Variants in CUX1 observed in about 807,000 individuals in gnomAD.
CUX1 encodes the protein cut like homeobox 1.
In CUX1, 31 loss-of-function variants were observed where a neutral mutation model predicts 158.8. The observed-to-expected ratio is 0.20, with a 90% CI of 0.15 to 0.26. CUX1 has a LOEUF of 0.26. Ranked by LOEUF, CUX1 falls within the 10% of genes least tolerant of loss-of-function variation. The pLI, the probability that CUX1 is intolerant of heterozygous loss-of-function variation, is 1.00. For synonymous variants in CUX1, 879 were observed against 862.1 expected, an observed-to-expected ratio of 1.02 and a Z score of -0.34; for missense variants, 1,589 against 2,014.6, an observed-to-expected ratio of 0.79 and a Z score of 4.04.
At chr7:101,943,078 C>CTTTTTTT (rs58332486) in intron 2 of CUX1, among the ~76,000 whole-genome samples, 1 of 80,328 alleles carries the variant, frequency 1.2e-5, no homozygotes. Flanking sequence ...CTGGTCAGTG[C>CTTTTTTT]TTTTTTTTTT....
chr7:102,256,621 A>G lies in CUX1; in HGVS notation c.*7579A>G, dbSNP rs1789920424. The stretch of plus-strand genomic sequence containing the variant: ...AAATGAGAGTGTTTATGAACAAAAA[A>G]ATTTACCAACGTGTGAGGGAGTTGC... On this transcript the variant is annotated 3_prime_UTR_variant, in exon 24 of 24. Coordinates refer to ENST00000292535, the MANE Select transcript of CUX1 (RefSeq NM_181552.4). 1 of 985,390 alleles carries G rather than the reference A, an allele frequency of 1.0e-6. No individual in the cohort carries two copies. The highest frequency in any genetic ancestry group is 1.7e-5 in the African/African-American group (1 of 57,334). The allele number at this position is 985,390 out of a possible 1,614,324, so 61.0% of individuals were successfully genotyped here. A position where few individuals can be genotyped will look rare whatever the true frequency, so the allele number is the denominator to read the frequency against.
At chr7:101,985,247 G>C (rs551852906) in intron 2 of CUX1, among the ~76,000 whole-genome samples, 3 of 152,260 alleles carry the variant, frequency 2.0e-5, no homozygotes, top group East Asian at 3.9e-4. Flanking sequence ...TTCACCTTTG[G>C]TTCTGAGCTG....
At chr7:102,082,083 C>A (rs1827479449) in intron 4 of CUX1, among the ~76,000 whole-genome samples, 1 of 147,032 alleles carries the variant, frequency 6.8e-6, no homozygotes. Context: ...CGCCCACTTA[C>A]CCTTCAGCCA....
chr7:101,946,238 G>A (rs770618283), intron 2 of CUX1, among the ~76,000 whole-genome samples: 10 of 152,056 alleles, frequency 6.6e-5, no homozygotes, highest in Non-Finnish European at 1.0e-4. Context: ...GGAAGATTGC[G>A]CTTAGGAAGA....
chr7:102,280,194 TG>T (rs1421993493), intron 19 of CUX1: 7 of 998,110 alleles, frequency 7.0e-6, no homozygotes, highest in Non-Finnish European at 1.1e-5. Flanking sequence ...CCCCATCACT[TG>T]GCCCCTATCC....
intron 2 of CUX1, among the ~76,000 whole-genome samples, chr7:101,978,628 A>G (rs1349681313): frequency 6.6e-6 from 1 of 152,182 alleles, no homozygotes; most frequent in African/African-American, 2.4e-5. Context: ...ATGTCTTTCC[A>G]TCCAACCTTC....
chr7:102,202,290 C>A, intron 18 of CUX1, 86 bp downstream of exon 18: 3 of 1,498,428 alleles, frequency 2.0e-6, no homozygotes, highest in Non-Finnish European at 1.8e-6. Flanking sequence ...CTGTGACCCT[C>A]ACCCATTTCA....
chr7:101,920,339 G>A (rs1291100657), intron 2 of CUX1, among the ~76,000 whole-genome samples: 2 of 152,130 alleles, frequency 1.3e-5, no homozygotes, highest in Non-Finnish European at 2.9e-5. Context: ...GCCCAGGCTG[G>A]TCTTGAACTC....
At chr7:101,831,770 C>G (rs1036054744) in intron 1 of CUX1, among the ~76,000 whole-genome samples, 1 of 112,330 alleles carries the variant, frequency 8.9e-6, no homozygotes, top group Non-Finnish European at 1.9e-5. Context: ...GAGACAGAGT[C>G]TCGCTCTGTC....
chr7:102,268,176 C>T (rs1554545479), intron 14 of CUX1, among the ~76,000 whole-genome samples: 1 of 152,140 alleles, frequency 6.6e-6, no homozygotes, highest in African/African-American at 2.4e-5. Context: ...CGCCTGTCAT[C>T]CCTCTCTCCC....
chr7:101,948,641 T>A (rs1161466454), intron 2 of CUX1, among the ~76,000 whole-genome samples: 2 of 152,196 alleles, frequency 1.3e-5, no homozygotes, highest in Admixed American at 1.3e-4. Flanking sequence ...AAGAGCCAAA[T>A]TAGCCAGGGG....
At chr7:102,216,657 T>A (rs201689014) in intron 20 of CUX1, among the ~76,000 whole-genome samples, 5 of 33,574 alleles carry the variant, frequency 1.5e-4, no homozygotes, top group Admixed American at 9.1e-4. Flanking sequence ...ACACACACTC[T>A]CCCACACACA....
chr7:102,158,641 C>T, intron 9 of CUX1, 33 bp downstream of exon 9: 2 of 1,606,550 alleles, frequency 1.2e-6, no homozygotes, highest in Non-Finnish European at 1.7e-6. Context: ...TCCTAAAACC[C>T]ACAATAGCGG....
At chr7:102,114,544 G>A (rs935530900) in intron 7 of CUX1, among the ~76,000 whole-genome samples, 1 of 152,146 alleles carries the variant, frequency 6.6e-6, no homozygotes, top group Non-Finnish European at 1.5e-5. Flanking sequence ...CCCAAAGTGT[G>A]AGCCACCTCG....
At chr7:102,189,668 G>C (rs1355442570) in intron 11 of CUX1, 145 bp from the exon 12 acceptor site, 1 of 809,260 alleles carries the variant, frequency 1.2e-6, no homozygotes, top group Non-Finnish European at 2.0e-6. Context: ...AGGGACAAAA[G>C]ATGGCCCCAG....
chr7:102,011,627 C>T (rs1338281898), intron 2 of CUX1, among the ~76,000 whole-genome samples: 1 of 151,312 alleles, frequency 6.6e-6, no homozygotes, highest in Non-Finnish European at 1.5e-5. Context: ...GTGACCTGCC[C>T]ACCTTGGCCT....
intron 2 of CUX1, among the ~76,000 whole-genome samples, chr7:101,990,739 A>G (rs1326642968): frequency 6.6e-6 from 1 of 152,218 alleles, no homozygotes; most frequent in East Asian, 1.9e-4. Context: ...CTCTTGAGAC[A>G]AGACCAAAAC....
Position 102,252,646 on chromosome 7 carries a change from T to TTA in CUX1, c.*3604_*3605insTA. 1.0e-6 allele frequency: 1 copy of TTA among 985,466 alleles called. No individual in the cohort carries two copies. The highest frequency in any genetic ancestry group is 1.2e-6 in the Non-Finnish European group (1 of 829,946). The allele number at this position is 985,466 out of a possible 1,614,324, so 61.0% of individuals were successfully genotyped here. ...CGGAGTTCCGGCCCAAGCTCCCTTG[T>TTA]GATAGCCGAGATGGCAGGTGTGTGA... On this transcript the variant is annotated 3_prime_UTR_variant, in exon 24 of 24. Coordinates refer to ENST00000292535, the MANE Select transcript of CUX1 (RefSeq NM_181552.4).
At chr7:102,083,047 AT>A (rs1313113805) in intron 4 of CUX1, among the ~76,000 whole-genome samples, 1 of 146,428 alleles carries the variant, frequency 6.8e-6, no homozygotes, top group African/African-American at 2.4e-5. Flanking sequence ...TTTTTTATTA[AT>A]TTTTTTCATT....
Sources: gnomAD v4.1 joint callset for allele counts (sites outside exome capture counted in the v4.1 genomes callset) on GRCh38, gnomAD v4.1.1 for gene constraint, MANE v1.5 for transcripts, NCBI Gene and HGNC (gene_info 2026-07-23, HGNC 2026-07-21) for gene names.